LIMS1: variants seen among roughly 807,000 people sequenced by gnomAD.
The protein encoded by LIMS1 is LIM zinc finger domain containing 1.
LIMS1 carries 18 observed loss-of-function variants against 44.1 expected under a neutral mutation model. The observed-to-expected ratio is 0.41, with a 90% CI of 0.28 to 0.61. The LOEUF (loss-of-function observed/expected upper bound fraction) is 0.61, where lower values mean the gene tolerates loss of function less well. Among genes scored for constraint, LIMS1 ranks in the 20% least tolerant of loss-of-function variants. LIMS1 has a pLI of 0.32. For missense variants in LIMS1, 201 were observed against 422.0 expected (o/e 0.48, Z 4.59); for synonymous variants, 93 against 149.1 (o/e 0.62, Z 2.74).
intron 1 of LIMS1, among the ~76,000 whole-genome samples, chr2:108,568,834 GAA>G (rs1440132751): frequency 1.3e-4 from 19 of 151,986 alleles, no homozygotes; most frequent in Admixed American, 1.2e-3. Context: ...GTCATCTTTG[GAA>G]AAAAGTCTGT....
chr2:108,629,783 G>A (rs191560739), intron 1 of LIMS1, among the ~76,000 whole-genome samples: 62 of 152,360 alleles, frequency 4.1e-4, no homozygotes, highest in Non-Finnish European at 7.5e-4. Flanking sequence ...ATTCTCCATG[G>A]AGGTGATGTG....
intron 1 of LIMS1, among the ~76,000 whole-genome samples, chr2:108,651,414 A>T (rs1159181556): frequency 6.6e-6 from 1 of 152,270 alleles, no homozygotes; most frequent in Non-Finnish European, 1.5e-5. Flanking sequence ...TCCCAGTAGG[A>T]TATTCCTGAT....
intron 1 of LIMS1, among the ~76,000 whole-genome samples, chr2:108,595,779 C>T (rs1483913263): frequency 1.3e-5 from 2 of 152,100 alleles, no homozygotes; most frequent in Non-Finnish European, 2.9e-5. Context: ...TCTTTTAGGG[C>T]CCTCATTTTG....
At chr2:108,571,823 G>A (rs1685489677) in intron 1 of LIMS1, among the ~76,000 whole-genome samples, 1 of 152,144 alleles carries the variant, frequency 6.6e-6, no homozygotes, top group East Asian at 1.9e-4. Context: ...TAATGCTATT[G>A]AGGAAAACTG....
intron 1 of LIMS1, among the ~76,000 whole-genome samples, chr2:108,582,935 G>A (rs1193854603): frequency 6.6e-6 from 1 of 152,026 alleles, no homozygotes; most frequent in South Asian, 2.1e-4. Flanking sequence ...TACCACCTAT[G>A]AACATTTTGC....
intron 1 of LIMS1, among the ~76,000 whole-genome samples, chr2:108,599,359 A>G (rs1033665528): frequency 2.0e-5 from 3 of 152,192 alleles, no homozygotes; most frequent in African/African-American, 7.2e-5. Flanking sequence ...TGTTGTTGCA[A>G]ATGGCTGGAT....
At chr2:108,641,888 A>C (rs1689691068) in intron 1 of LIMS1, among the ~76,000 whole-genome samples, 1 of 152,246 alleles carries the variant, frequency 6.6e-6, no homozygotes. Context: ...CAAAATGGGA[A>C]GGAACTTCCC....
chr2:108,588,900 A>G (rs897854008), intron 1 of LIMS1, among the ~76,000 whole-genome samples: 9 of 152,360 alleles, frequency 5.9e-5, no homozygotes, highest in South Asian at 2.1e-4. Flanking sequence ...AAGGGAAACT[A>G]TGCCTTTTGT....
At chr2:108,618,378 T>G (rs1172822100) in intron 1 of LIMS1, among the ~76,000 whole-genome samples, 3 of 152,066 alleles carry the variant, frequency 2.0e-5, no homozygotes, top group African/African-American at 7.2e-5. Flanking sequence ...AAAGGAAAAA[T>G]AGATGGGGAC....
At chr2:108,608,333 T>A (rs1230437873) in intron 1 of LIMS1, among the ~76,000 whole-genome samples, 4 of 151,098 alleles carry the variant, frequency 2.6e-5, no homozygotes, top group African/African-American at 7.3e-5. Flanking sequence ...TGAGACGGTG[T>A]CTCGCTCTGT....
chr2:108,536,070 T>C (rs1267658373), intron 1 of LIMS1, among the ~76,000 whole-genome samples: 1 of 152,220 alleles, frequency 6.6e-6, no homozygotes, highest in Non-Finnish European at 1.5e-5. Context: ...ATTTGTGAGA[T>C]ATTAAGAATA....
At chr2:108,610,678 T>C (rs377529294) in intron 1 of LIMS1, among the ~76,000 whole-genome samples, 1 of 152,180 alleles carries the variant, frequency 6.6e-6, no homozygotes, top group Non-Finnish European at 1.5e-5. Flanking sequence ...ATTCTACATT[T>C]GTTTTCTTTA....
At chr2:108,564,106 A>C (rs1466246181) in intron 1 of LIMS1, among the ~76,000 whole-genome samples, 1 of 151,844 alleles carries the variant, frequency 6.6e-6, no homozygotes, top group Admixed American at 6.6e-5. Context: ...GGTTTTCTTC[A>C]ATTGCCACAG....
At chr2:108,610,192 GTGTAT>G (rs1280049913) in intron 1 of LIMS1, among the ~76,000 whole-genome samples, 1 of 107,412 alleles carries the variant, frequency 9.3e-6, no homozygotes, top group Non-Finnish European at 1.9e-5. Flanking sequence ...GTGTGTGTGT[GTGTAT>G]TATTATAAAA....
chr2:108,614,236 G>C (rs1687812846), intron 1 of LIMS1, among the ~76,000 whole-genome samples: 1 of 152,194 alleles, frequency 6.6e-6, no homozygotes, highest in African/African-American at 2.4e-5. Flanking sequence ...CCCCTTGACA[G>C]GTCCTCACCA....
chr2:108,669,169 G>A (rs951357134), intron 2 of LIMS1, among the ~76,000 whole-genome samples: 2 of 152,188 alleles, frequency 1.3e-5, no homozygotes, highest in Non-Finnish European at 2.9e-5. Context: ...CACTTTGGGA[G>A]GCCAAAGGCG....
chr2:108,538,176 T>G (rs983127125), intron 1 of LIMS1, among the ~76,000 whole-genome samples: 1 of 152,210 alleles, frequency 6.6e-6, no homozygotes, highest in Non-Finnish European at 1.5e-5. Flanking sequence ...TTTAAGACAC[T>G]TGAGAAGCAG....
chr2:108,637,269 G>A (rs1689342419), intron 1 of LIMS1, among the ~76,000 whole-genome samples: 1 of 151,984 alleles, frequency 6.6e-6, no homozygotes, highest in South Asian at 2.1e-4. Context: ...ATGTACATTT[G>A]AATTTGAAAA....
intron 1 of LIMS1, among the ~76,000 whole-genome samples, chr2:108,640,587 C>A (rs1485534159): frequency 6.6e-6 from 1 of 152,122 alleles, no homozygotes; most frequent in African/African-American, 2.4e-5. Flanking sequence ...AGTGGCCACT[C>A]TCTTTTGCCT....
Sources: gnomAD v4.1 joint callset for allele counts (sites outside exome capture counted in the v4.1 genomes callset) on GRCh38, gnomAD v4.1.1 for gene constraint, MANE v1.5 for transcripts, NCBI Gene and HGNC (gene_info 2026-07-23, HGNC 2026-07-21) for gene names.